The following DNAH6 variants were observed in gnomAD, a reference collection of about 807,000 sequenced individuals.
DNAH6 encodes the protein dynein axonemal heavy chain 6, also known as axonemal beta dynein heavy chain 6.
In DNAH6, 340 loss-of-function variants were observed where a neutral mutation model predicts 491.4. The ratio of observed to expected loss-of-function variants is 0.69; its 90% CI spans 0.63 to 0.76. DNAH6 has a LOEUF of 0.76. DNAH6 is among the 30% of genes least tolerant of loss of function. The pLI is 0.00. For synonymous variants in DNAH6, 1,603 were observed against 1,686.1 expected, an observed-to-expected ratio of 0.95 and a Z score of 1.21; for missense variants, 4,443 against 4,972.2, an observed-to-expected ratio of 0.89 and a Z score of 3.20.
At chr2:84,483,422 T>A in the DNAH6 span, among the ~76,000 whole-genome samples, 1 of 152,184 alleles carries the variant, frequency 6.6e-6, no homozygotes, top group Non-Finnish European at 1.5e-5. Context: ...ATATTGAGGA[T>A]AACAGAATGC....
chr2:84,732,419 G>A (rs564429784), intron 61 of DNAH6, among the ~76,000 whole-genome samples: 1 of 152,124 alleles, frequency 6.6e-6, no homozygotes, highest in Non-Finnish European at 1.5e-5. Context: ...ATAAAATGTG[G>A]TATATTTATA....
intron 35 of DNAH6, among the ~76,000 whole-genome samples, chr2:84,655,334 A>G (rs1250868154): frequency 6.6e-6 from 1 of 152,124 alleles, no homozygotes; most frequent in Non-Finnish European, 1.5e-5. Context: ...AGGAAAGCTT[A>G]TACATTGTTA....
intron 33 of DNAH6, among the ~76,000 whole-genome samples, chr2:84,644,249 TC>T (rs1238199618): frequency 6.6e-6 from 1 of 152,020 alleles, no homozygotes; most frequent in Non-Finnish European, 1.5e-5. Flanking sequence ...ATGTTTCCCC[TC>T]CCCCGGATCT....
intron 47 of DNAH6, 170 bp downstream of exon 47, chr2:84,697,897 A>G (rs1240513122): frequency 1.4e-6 from 1 of 693,828 alleles, no homozygotes; most frequent in Non-Finnish European, 2.4e-6. Flanking sequence ...GCATTGGGTC[A>G]CCAGACTTCC....
chr2:84,806,349 G>C (rs1263259407), intron 71 of DNAH6, among the ~76,000 whole-genome samples: 2 of 152,198 alleles, frequency 1.3e-5, no homozygotes, highest in Non-Finnish European at 2.9e-5. Context: ...GCCGGGCACA[G>C]TGGCTGATGC....
intron 63 of DNAH6, among the ~76,000 whole-genome samples, chr2:84,745,665 CAAAA>C (rs34589141): frequency 1.6e-5 from 1 of 61,918 alleles, no homozygotes. Flanking sequence ...GACACTGTCT[CAAAA>C]AAAAAAAAAA....
At chr2:84,726,778 A>G (rs1698678237) in intron 60 of DNAH6, among the ~76,000 whole-genome samples, 1 of 140,272 alleles carries the variant, frequency 7.1e-6, no homozygotes, top group African/African-American at 3.0e-5. Flanking sequence ...TATAATAATA[A>G]TAAAAAAAAT....
intron 60 of DNAH6, 92 bp downstream of exon 60, chr2:84,722,896 A>G (rs1480550149): frequency 2.5e-6 from 2 of 805,686 alleles, no homozygotes; most frequent in Non-Finnish European, 3.7e-6. Context: ...CCATAAGTCT[A>G]GTTATCAGGT....
At chr2:84,525,528 G>A in intron 2 of DNAH6, 37 bp from the exon 3 acceptor site, 1 of 1,516,546 alleles carries the variant, frequency 6.6e-7, no homozygotes, top group Non-Finnish European at 8.8e-7. Flanking sequence ...TTATACGAAT[G>A]TTAATAAAAA....
intron 68 of DNAH6, among the ~76,000 whole-genome samples, chr2:84,791,746 C>G (rs933094703): frequency 6.6e-6 from 1 of 151,102 alleles, no homozygotes; most frequent in Non-Finnish European, 1.5e-5. Context: ...AATTATATCT[C>G]ATTGAAACTG....
chr2:84,782,647 C>T (rs1676801941), intron 65 of DNAH6, among the ~76,000 whole-genome samples: 1 of 152,172 alleles, frequency 6.6e-6, no homozygotes, highest in Non-Finnish European at 1.5e-5. Context: ...TTTTTATCCA[C>T]CATTCAGAAT....
At chr2:84,759,315 C>T (rs1326010661) in intron 63 of DNAH6, among the ~76,000 whole-genome samples, 1 of 151,964 alleles carries the variant, frequency 6.6e-6, no homozygotes, top group Non-Finnish European at 1.5e-5. Flanking sequence ...CGAGACCAGC[C>T]TGGGCAACAT....
chr2:84,579,976 A>G (rs1220065694), intron 14 of DNAH6, among the ~76,000 whole-genome samples: 3 of 152,232 alleles, frequency 2.0e-5, no homozygotes, highest in African/African-American at 7.2e-5. Context: ...ACAGAAACCA[A>G]AACAGGATGT....
At chr2:84,654,487 C>G (rs945722323) in intron 34 of DNAH6, among the ~76,000 whole-genome samples, 173 bp from the exon 35 acceptor site, 2 of 152,174 alleles carry the variant, frequency 1.3e-5, no homozygotes, top group East Asian at 3.8e-4. Flanking sequence ...CGTCATTTAA[C>G]TTTCTTCCTC....
rs1464084186 is a variant in DNAH6 at position 84,619,707 on chromosome 2, G to A, written c.3595G>A (p.Glu1199Lys). ...FPRFYFLSND[E>K]LLEILAQTRN... ...CAGGTTTTACTTCTTGTCAAATGAT[G>A]AACTTCTGGAGATTTTGGCCCAGAC... The change falls in exon 24 of 77, where the codon GAA becomes AAA. Residue 1199 changes from glutamate to lysine, a missense_variant. Physicochemically the swap from Glu to Lys is moderately conservative, Grantham distance 56. Transcript: ENST00000389394. The A allele has an allele frequency of 6.4e-6, 10 of 1,551,422 alleles. No homozygotes were observed. Among genetic ancestry groups the A allele is most frequent in the African/African-American group, 1.4e-5 (1 of 73,106 alleles).
intron 2 of DNAH6, among the ~76,000 whole-genome samples, chr2:84,523,376 A>G (rs552096006): frequency 6.8e-5 from 10 of 146,394 alleles, no homozygotes; most frequent in Middle Eastern, 3.4e-3. Flanking sequence ...TTAATGGCCT[A>G]TCTGTCTTAT....
chr2:84,547,425 A>G (rs1678888535), intron 6 of DNAH6, 23 bp downstream of exon 6: 6 of 1,551,412 alleles, frequency 3.9e-6, no homozygotes, highest in African/African-American at 1.4e-5. Flanking sequence ...GTCTATAAGA[A>G]TCAAAGCTTT....
At chr2:84,695,010 G>C (rs143075883) in intron 46 of DNAH6, among the ~76,000 whole-genome samples, 1 of 152,096 alleles carries the variant, frequency 6.6e-6, no homozygotes, top group Non-Finnish European at 1.5e-5. Context: ...CTAGAAATTA[G>C]CCAACGAATA....
chr2:84,539,718 A>G (rs1678055170), intron 4 of DNAH6, among the ~76,000 whole-genome samples: 1 of 152,180 alleles, frequency 6.6e-6, no homozygotes, highest in South Asian at 2.1e-4. Flanking sequence ...TCCAAGGACC[A>G]TACATTGAGA....
Sources: allele counts gnomAD v4.1 joint callset (sites outside exome capture counted in the v4.1 genomes callset), GRCh38; gene constraint gnomAD v4.1.1; transcripts MANE v1.5; gene names NCBI Gene and HGNC (gene_info 2026-07-23, HGNC 2026-07-21).